UBA52: variants seen among roughly 807,000 people sequenced by gnomAD.
UBA52 encodes the protein ubiquitin-ribosomal protein eL40 fusion protein.
In UBA52, 1 loss-of-function variant was observed where a neutral mutation model predicts 15.3. The observed-to-expected ratio is 0.07, with a 90% confidence interval of 0.02 to 0.31. The LOEUF is 0.31. Among genes scored for constraint, UBA52 ranks in the 10% least tolerant of loss-of-function variants. The probability of loss-of-function intolerance (pLI) is 1.00; values close to 1 mark genes in which losing one functional copy is unlikely to be tolerated. For missense variants in UBA52, 87 were observed against 168.0 expected (o/e 0.52, Z 2.66); for synonymous variants, 50 against 58.3 (o/e 0.86, Z 0.65).
upstream of UBA52, among the ~76,000 whole-genome samples, chr19:18,570,507 C>CTTT (rs1555752289): frequency 1.6e-4 from 7 of 44,808 alleles, no homozygotes; most frequent in East Asian, 9.4e-4. Context: ...CGCCGTGGCA[C>CTTT]TTTTTTTTTT....
chr19:18,570,730 C>T (rs1361335046), upstream of UBA52, among the ~76,000 whole-genome samples: 1 of 150,982 alleles, frequency 6.6e-6, no homozygotes, highest in Non-Finnish European at 1.5e-5. Flanking sequence ...TCTTGTTGCC[C>T]AGGCTGTAGT....
the UBA52 span, chr19:18,565,140 C>G: frequency 1.9e-5 from 28 of 1,505,386 alleles, no homozygotes; most frequent in Non-Finnish European, 2.3e-5. Flanking sequence ...CAAGGCTTCA[C>G]TGCGCACTTA....
the UBA52 span, chr19:18,565,227 A>G: frequency 1.6e-6 from 2 of 1,264,398 alleles, no homozygotes; most frequent in Non-Finnish European, 2.1e-6. Context: ...TGATCGAGAC[A>G]GAGTTTTTTT....
At chr19:18,564,969 A>G in the UBA52 span, 2 of 1,612,002 alleles carry the variant, frequency 1.2e-6, no homozygotes, top group Non-Finnish European at 1.7e-6. Flanking sequence ...GCACCACACG[A>G]GGACCCTAGT....
chr19:18,572,062 G>GC (rs1975515493), intron 1 of UBA52, 153 bp downstream of exon 1: 1 of 152,294 alleles, frequency 6.6e-6, no homozygotes, highest in Non-Finnish European at 1.5e-5. Context: ...CCAGACCGGG[G>GC]CCCAGGAGGC....
At chr19:18,565,269 G>A in the UBA52 span, 4 of 1,135,942 alleles carry the variant, frequency 3.5e-6, no homozygotes, top group East Asian at 5.7e-5. Flanking sequence ...TCGCTCTGTT[G>A]CCCAGGCTGG....
chr19:18,565,686 G>C, the UBA52 span, among the ~76,000 whole-genome samples: 1 of 151,634 alleles, frequency 6.6e-6, no homozygotes, highest in African/African-American at 2.4e-5. Context: ...GCTAATTTTT[G>C]TTGTTGTTGT....
chr19:18,568,303 T>C (rs1600600145), upstream of UBA52: 2 of 792,094 alleles, frequency 2.5e-6, no homozygotes, highest in Non-Finnish European at 4.2e-6. Context: ...CATACCCCCA[T>C]GGGGTGAGGG....
In UBA52 at chr19:18,574,215, C is replaced by CCA. The variant is rs759435478; in HGVS notation, c.190+467_190+468insCA. Among the ~76,000 whole-genome samples the CCA allele has an allele frequency of 7.6e-4, 109 of 143,898 alleles. 1 individual carries two copies. In the Middle Eastern group the frequency reaches 0.011, roughly 15 times the overall value. 94.4% of individuals were successfully genotyped at this position (143,898 alleles called of 152,430 possible). A position where few individuals can be genotyped will look rare whatever the true frequency, so the allele number is the denominator to read the frequency against. ...AGGAGAATTGCTTGAACTCGGGAGA[C>CCA]AAAAAAAAAAAGTCATAATGTGAAT... On this transcript the variant is annotated intron_variant, in intron 3 of 4. Coordinates refer to ENST00000442744, the MANE Select transcript of UBA52 (RefSeq NM_001033930.3).
intron 2 of UBA52, 34 bp from the exon 3 acceptor site, chr19:18,573,628 G>A (rs778054253): frequency 5.6e-6 from 9 of 1,607,542 alleles, no homozygotes; most frequent in Admixed American, 3.3e-5. Flanking sequence ...AATATGGTCC[G>A]CAGAGCCTCT....
At chr19:18,573,613 C>A in intron 2 of UBA52, 49 bp from the exon 3 acceptor site, 2 of 1,587,030 alleles carry the variant, frequency 1.3e-6, no homozygotes, top group South Asian at 1.1e-5. Flanking sequence ...GAGGACACTG[C>A]CAGTAATATG....
At chr19:18,564,877 G>A in the UBA52 span, 15 of 1,613,490 alleles carry the variant, frequency 9.3e-6, no homozygotes, top group African/African-American at 1.3e-5. Context: ...AGGCTGGACC[G>A]CTTTGAGAAG....
At chr19:18,566,455 C>CAA in the UBA52 span, among the ~76,000 whole-genome samples, 46,481 of 115,654 alleles carry the variant, frequency 0.4, 10,128 homozygotes, top group East Asian at 0.65. Context: ...GACTCCGTCT[C>CAA]AAAAAAAAAA....
upstream of UBA52, among the ~76,000 whole-genome samples, chr19:18,566,792 CAAA>C (rs112810621): frequency 1.8e-5 from 2 of 113,704 alleles, no homozygotes; most frequent in African/African-American, 3.2e-5. Context: ...GATTCTGTCT[CAAA>C]AAAAAAAAAA....
upstream of UBA52, among the ~76,000 whole-genome samples, chr19:18,569,833 A>C (rs1975419294): frequency 6.6e-6 from 1 of 152,004 alleles, no homozygotes; most frequent in Non-Finnish European, 1.5e-5. Flanking sequence ...CAGGAGTTCG[A>C]GACCAGCCTG....
chr19:18,570,507 C>CCTTTTTTT (rs1555752290), upstream of UBA52, among the ~76,000 whole-genome samples: 21 of 44,810 alleles, frequency 4.7e-4, 9 homozygotes, highest in Non-Finnish European at 7.2e-4. Flanking sequence ...CGCCGTGGCA[C>CCTTTTTTT]TTTTTTTTTT....
At position 18,576,882 on chromosome 19, in the gene UBA52, G is replaced by A. The variant is rs1975806541; in HGVS notation, c.*1732G>A. 1 of 151,426 alleles carries A rather than the reference G, an allele frequency of 6.6e-6. No homozygotes were observed. 9.4% of individuals were successfully genotyped at this position (151,426 alleles called of 1,614,324 possible). On this transcript the variant is annotated 3_prime_UTR_variant, in exon 5 of 5. Coordinates refer to ENST00000442744, the MANE Select transcript of UBA52 (RefSeq NM_001033930.3). The stretch of plus-strand genomic sequence containing the variant: ...AGGGTTTTGCTATGTTGGCCAGGCT[G>A]GTCTTGAACTACTGACCTCTTGTGA...
chr19:18,565,026 G>C, the UBA52 span: 2 of 1,569,368 alleles, frequency 1.3e-6, no homozygotes, highest in African/African-American at 3.3e-5. Context: ...TATCAGGTGG[G>C]TGCTCAGTGC....
chr19:18,568,718 G>A (rs1600602259), upstream of UBA52: 9 of 1,004,056 alleles, frequency 9.0e-6, no homozygotes, highest in East Asian at 2.0e-4. Flanking sequence ...GTCATCCAGG[G>A]CTCCTTTGCT....
Sources: gnomAD v4.1 joint callset for allele counts (sites outside exome capture counted in the v4.1 genomes callset) on GRCh38, gnomAD v4.1.1 for gene constraint, MANE v1.5 for transcripts, NCBI Gene and HGNC (gene_info 2026-07-23, HGNC 2026-07-21) for gene names.